Variants in UCHL5 observed in about 807,000 individuals in gnomAD.
The protein encoded by UCHL5 is ubiquitin C-terminal hydrolase L5.
A neutral mutation model predicts 53.8 loss-of-function variants in UCHL5; 34 were observed. The ratio of observed to expected loss-of-function variants is 0.63; its 90% confidence interval spans 0.48 to 0.84. The LOEUF (loss-of-function observed/expected upper bound fraction) is 0.84. Among genes scored for constraint, UCHL5 ranks in the 40% least tolerant of loss-of-function variants. UCHL5 has a pLI of 0.00. For synonymous variants in UCHL5, 111 were observed against 126.3 expected, an observed-to-expected ratio of 0.88 and a Z score of 0.81; for missense variants, 290 against 385.6, an observed-to-expected ratio of 0.75 and a Z score of 2.08.
At chr1:193,041,676 C>T (rs918112759) in intron 3 of UCHL5, among the ~76,000 whole-genome samples, 2 of 152,164 alleles carry the variant, frequency 1.3e-5, no homozygotes, top group South Asian at 2.1e-4. Context: ...TACAGCAACA[C>T]AATTCACAGT....
chr1:193,024,029 CTT>C (rs2102357423), intron 7 of UCHL5, 83 bp from the exon 8 acceptor site: 1 of 981,474 alleles, frequency 1.0e-6, no homozygotes, highest in East Asian at 2.9e-5. Flanking sequence ...TGATTCCCCT[CTT>C]GATTTTCTAG....
At chr1:193,039,246 C>T (rs1484213695) in intron 3 of UCHL5, among the ~76,000 whole-genome samples, 1 of 151,786 alleles carries the variant, frequency 6.6e-6, no homozygotes, top group African/African-American at 2.4e-5. Context: ...CCTATCTCTA[C>T]TAAAAATACA....
intron 1 of UCHL5, among the ~76,000 whole-genome samples, chr1:193,058,638 C>G (rs1457364371): frequency 6.6e-6 from 1 of 152,238 alleles, no homozygotes; most frequent in South Asian, 2.1e-4. Flanking sequence ...GCCTTTCAGG[C>G]CCACGCAGTC....
intron 7 of UCHL5, among the ~76,000 whole-genome samples, chr1:193,025,269 C>T (rs1049904005): frequency 5.9e-5 from 9 of 152,178 alleles, no homozygotes; most frequent in African/African-American, 4.8e-5. Context: ...AAATCTGTGA[C>T]CTCACCCCTA....
At position 193,029,430 on chromosome 1, in the gene UCHL5, C is replaced by A; in HGVS notation, c.392G>T (p.Ser131Ile). 1 of 1,613,704 alleles carries A rather than the reference C, an allele frequency of 6.2e-7. No homozygotes were observed. Among genetic ancestry groups the A allele is most frequent in the Non-Finnish European group, 8.5e-7 (1 of 1,179,838 alleles). The change falls in exon 5 of 11, where the codon AGC becomes ATC. Residue 131 changes from serine to isoleucine, a missense_variant. Ser to Ile is a moderately radical substitution (Grantham distance 142, BLOSUM62 -2). Transcript: ENST00000367454. ...FDAAMKGLAL[S>I]NSDVIRQVHN... ...TACTTGTCGAATCACATCTGAATTG[C>A]TCAGTGCCAAGCCTTTCATCTAAAA...
rs1654602183 is a variant in UCHL5, at chr1:193,014,464, G to A, written c.*1887C>T. ...ACACTTTCAATGACAATTCTGATGA[G>A]CTCTAATTTTGGATCTTTTATGGTT... On this transcript the variant is annotated 3_prime_UTR_variant, in exon 11 of 11. Coordinates refer to ENST00000367454, the MANE Select transcript of UCHL5 (RefSeq NM_001199261.3). 1 of 152,030 alleles carries A rather than the reference G, an allele frequency of 6.6e-6. No homozygotes were observed. The highest frequency in any genetic ancestry group is 2.1e-4 in the South Asian group (1 of 4,828). The allele number at this position is 152,030 out of a possible 1,614,324, so 9.4% of individuals were successfully genotyped here. A position where few individuals can be genotyped will look rare whatever the true frequency, so the allele number is the denominator to read the frequency against.
Position 193,016,244 on chromosome 1 carries a change from C to A in UCHL5, c.*107G>T. On this transcript the variant is annotated 3_prime_UTR_variant, in exon 11 of 11. Transcript: ENST00000367454. ...AGACAAGACAGGCTGGCACTATTGC[C>A]AAACGTGCACTGAGCCAATTAGGAT... 1 of 1,320,964 alleles carries A rather than the reference C, an allele frequency of 7.6e-7. No homozygotes were observed. The highest frequency in any genetic ancestry group is 1.0e-6 in the Non-Finnish European group (1 of 954,836). The allele number at this position is 1,320,964 out of a possible 1,614,324, so 81.8% of individuals were successfully genotyped here. A position where few individuals can be genotyped will look rare whatever the true frequency, so the allele number is the denominator to read the frequency against.
intron 9 of UCHL5, 144 bp from the exon 10 acceptor site, chr1:193,021,339 G>T (rs543337182): frequency 8.6e-6 from 5 of 581,876 alleles, no homozygotes; most frequent in East Asian, 3.0e-5. Flanking sequence ...TTCCCACTGA[G>T]AATAAAAATT....
intron 3 of UCHL5, among the ~76,000 whole-genome samples, chr1:193,031,592 A>G (rs1376368348): frequency 6.6e-6 from 1 of 152,168 alleles, no homozygotes; most frequent in Non-Finnish European, 1.5e-5. Context: ...GTTTAGTGCC[A>G]CCAAGTGGTT....
In UCHL5 at chr1:193,059,107, G is replaced by A. The variant is rs528450792; in HGVS notation, c.76+78C>T. 2.6e-5 allele frequency: 37 copies of A among 1,404,220 alleles called. No homozygotes were observed. The Admixed American group carries it at 4.7e-4, about 18-fold the overall frequency. The allele number at this position is 1,404,220 out of a possible 1,614,324, so 87.0% of individuals were successfully genotyped here. A position where few individuals can be genotyped will look rare whatever the true frequency, so the allele number is the denominator to read the frequency against. On this transcript the variant is annotated intron_variant, in intron 1 of 10. Transcript: ENST00000367454. The surrounding 1 kb of genome is among the most constrained non-coding windows in gnomAD (Gnocchi z 4.9). ...CCTCTCCAGACGCGGGGCGGCGGTG[G>A]CCGCAGGGAACCACTCCATGCCCAG...
chr1:193,028,965 T>C (rs1660363773), intron 6 of UCHL5, among the ~76,000 whole-genome samples: 1 of 152,158 alleles, frequency 6.6e-6, no homozygotes, highest in Non-Finnish European at 1.5e-5. Flanking sequence ...TAATTTTACT[T>C]GGGAAAAACT....
At position 193,026,694 on chromosome 1, in the gene UCHL5, T is replaced by TA. The variant is rs80265801; in HGVS notation, c.629+1390dup. ...TCTGGAAAAGAGTTTGGTAGTTTCT[T>TA]AAAAAAAAAAAAAAATATCCATTTA... On this transcript the variant is annotated intron_variant, in intron 7 of 10. Transcript: ENST00000367454. 4.7e-3 allele frequency among the ~76,000 whole-genome samples: 667 copies of TA among 141,612 alleles called. 1 individual carries two copies. The highest frequency in any genetic ancestry group is 7.0e-3 in the Admixed American group (100 of 14,258). The allele number at this position is 141,612 out of a possible 152,430, so 92.9% of individuals were successfully genotyped here.
intron 9 of UCHL5, 48 bp from the exon 10 acceptor site, chr1:193,021,243 G>T: frequency 3.1e-6 from 4 of 1,271,298 alleles, no homozygotes; most frequent in South Asian, 1.2e-5. Context: ...TGCTAATTTT[G>T]ATATTTTATT....
intron 1 of UCHL5, among the ~76,000 whole-genome samples, chr1:193,055,845 T>C (rs1369672998): frequency 6.6e-6 from 1 of 152,214 alleles, no homozygotes; most frequent in Non-Finnish European, 1.5e-5. Flanking sequence ...TGCAATTTTC[T>C]TTTCTAGTAA....
intron 3 of UCHL5, among the ~76,000 whole-genome samples, chr1:193,033,208 T>C (rs1662118864): frequency 6.6e-6 from 1 of 151,986 alleles, no homozygotes; most frequent in Non-Finnish European, 1.5e-5. Context: ...TAAAAAAGGA[T>C]GAGTTCATGT....
chr1:193,053,185 T>G (rs1196957670), intron 1 of UCHL5, among the ~76,000 whole-genome samples: 1 of 152,100 alleles, frequency 6.6e-6, no homozygotes, highest in Non-Finnish European at 1.5e-5. Flanking sequence ...ATATATCAAA[T>G]TAGGGAAAAA....
At position 193,024,376 on chromosome 1, in the gene UCHL5, C is replaced by T. The variant is rs575636834; in HGVS notation, c.630-430G>A. Among the ~76,000 whole-genome samples the T allele has an allele frequency of 2.0e-4, 30 of 151,374 alleles. No individual in the cohort carries two copies. The South Asian group carries it at 5.8e-3, about 29-fold the overall frequency. ...GTCATAAAACATTTGAAATAAAAAA[C>T]ATTTTCATCAATTTCCCTACCTTTA... is the stretch of plus-strand genomic sequence containing the variant. On this transcript the variant is annotated intron_variant, in intron 7 of 10. Coordinates refer to ENST00000367454, the MANE Select transcript of UCHL5 (RefSeq NM_001199261.3).
At chr1:193,020,316 T>G in intron 10 of UCHL5, 3 of 1,546,210 alleles carry the variant, frequency 1.9e-6, no homozygotes, top group Non-Finnish European at 2.6e-6. Flanking sequence ...CCATGTATTC[T>G]CGTCTTTAAG....
rs374922867 is a variant in UCHL5, at chr1:193,018,931, G to T, written c.942+2166C>A. ...TAAGTAATTAACTATCACTGGTAAA[G>T]ATTTTATATAATTATAAAATCTAAT... On this transcript the variant is annotated intron_variant, in intron 10 of 10. Coordinates refer to ENST00000367454, the MANE Select transcript of UCHL5 (RefSeq NM_001199261.3). 5 of 700,090 alleles carry T rather than the reference G, an allele frequency of 7.1e-6. No homozygotes were observed. In the East Asian group the frequency reaches 1.3e-4, roughly 19 times the overall value. 43.4% of individuals were successfully genotyped at this position (700,090 alleles called of 1,614,324 possible). A position where few individuals can be genotyped will look rare whatever the true frequency, so the allele number is the denominator to read the frequency against.
Sources: allele counts gnomAD v4.1 joint callset (sites outside exome capture counted in the v4.1 genomes callset), GRCh38; gene constraint gnomAD v4.1.1; non-coding constraint Gnocchi (gnomAD v3.1); transcripts MANE v1.5; gene names NCBI Gene and HGNC (gene_info 2026-07-23, HGNC 2026-07-21).